MUC4: variants seen among roughly 807,000 people sequenced by gnomAD.
MUC4 encodes the protein mucin-4.
Under a neutral mutation model 257.9 loss-of-function variants are expected in MUC4, and 202 were observed. The observed-to-expected ratio is 0.78, with a 90% CI of 0.70 to 0.88. MUC4 has a LOEUF of 0.88. Among genes scored for constraint, MUC4 ranks in the 40% least tolerant of loss-of-function variants. MUC4 has a pLI of 0.00. For missense variants in MUC4, 5,976 were observed against 6,513.7 expected, an observed-to-expected ratio of 0.92 and a Z score of 2.84; for synonymous variants, 2,351 against 2,757.1, an observed-to-expected ratio of 0.85 and a Z score of 4.62.
chr3:195,811,491 T>C (rs59567466), intron 1 of MUC4, among the ~76,000 whole-genome samples: 15,503 of 151,912 alleles, frequency 0.1, 2,108 homozygotes, highest in African/African-American at 0.31. Flanking sequence ...TCTTTCTCTC[T>C]CCCTCTTCTC....
rs764869978 is a variant in MUC4, at chr3:195,786,799, G to T, written c.4781C>A (p.Ser1594Tyr). The T allele has an allele frequency of 1.3e-6, 2 of 1,518,954 alleles. No individual in the cohort carries two copies. Among genetic ancestry groups the T allele is most frequent in the East Asian group, 5.0e-5 (2 of 39,762 alleles). 94.1% of individuals were successfully genotyped at this position (1,518,954 alleles called of 1,614,324 possible). A position where few individuals can be genotyped will look rare whatever the true frequency, so the allele number is the denominator to read the frequency against. Residue 1594 changes from serine to tyrosine, a missense_variant, in exon 2 of 25, where the codon TCC becomes TAC. Coordinates refer to ENST00000463781, the MANE Select transcript of MUC4 (RefSeq NM_018406.7). The stretch of plus-strand genomic sequence containing the variant: ...AGGAAGAGGGGTGGTGTCACCTTTG[G>T]ATGCTGAGGAAGTGTCGGTGACAGG... ...PLPVTDTSSA[S>Y]KGDTTPLPVT...
In MUC4 at chr3:195,763,584, T is replaced by C. The variant is rs775413525; in HGVS notation, c.14102A>G (p.Asn4701Ser). The change falls in exon 12 of 25, where the codon AAT becomes AGT. Residue 4701 changes from asparagine (N) to serine (S), a missense_variant. Coordinates refer to ENST00000463781, the MANE Select transcript of MUC4 (RefSeq NM_018406.7). Reference sequence around the variant, plus strand: ...GACCAGCAGGAAGTCCCCCAGCCCATTGAAGGTGTAACTGACACCATCCAA... The same window carrying C: ...GACCAGCAGGAAGTCCCCCAGCCCACTGAAGGTGTAACTGACACCATCCAA... ...TTLDGVSYTF[N>S]GLGDFLLVGA... 2.5e-5 allele frequency: 40 copies of C among 1,595,220 alleles called. No individual in the cohort carries two copies. Among genetic ancestry groups the C allele is most frequent in the African/African-American group, 6.7e-5 (5 of 74,352 alleles).
At position 195,765,463 on chromosome 3, in the gene MUC4, T is replaced by TG. The variant is rs766700435; in HGVS notation, c.13619-15dup. 6.8e-6 allele frequency: 11 copies of TG among 1,606,354 alleles called. No homozygotes were observed. The highest frequency in any genetic ancestry group is 1.7e-4 in the Middle Eastern group (1 of 6,056). On this transcript the variant is annotated splice_polypyrimidine_tract_variant and intron_variant, in intron 8 of 24. Transcript: ENST00000463781. ...GCCCTTGGAGGCCTGAGGTCGGGGA[T>TG]GGGGGGGAAAGGGCTTATCCAGGGC... is the stretch of plus-strand genomic sequence containing the variant.
At position 195,791,191 on chromosome 3, in the gene MUC4, G is replaced by C; in HGVS notation, c.389C>G (p.Thr130Arg). Residue 130 changes from threonine (T) to arginine (R), a missense_variant, in exon 2 of 25, where the codon ACA becomes AGA. By Grantham distance (71) the Thr-to-Arg change is moderately conservative (BLOSUM62 -1). Around this residue, in one of 44 missense-constraint regions of MUC4, gnomAD observed 1,583 missense variants for 1,257.4 expected, o/e 1.26. Transcript: ENST00000463781. ...TTSFPSSVTN[T>R]LMMTSKTITM... is the part of the protein sequence containing the mutation. ...TATAGTCTTTGATGTCATCATGAGTGTGTTGGTGACACTGGAGGGAAATGA... is the reference window on the plus strand; with the variant it reads ...TATAGTCTTTGATGTCATCATGAGTCTGTTGGTGACACTGGAGGGAAATGA... 2 of 1,614,034 alleles carry C rather than the reference G, an allele frequency of 1.2e-6. No homozygotes were observed. The highest frequency in any genetic ancestry group is 1.7e-6 in the Non-Finnish European group (2 of 1,179,902).
rs754721080 is a variant in MUC4, at chr3:195,754,276, C to T, written c.15265G>A (p.Val5089Ile). The change falls in exon 19 of 25, where the codon GTT becomes ATT. Residue 5089 changes from valine to isoleucine, a missense_variant. By Grantham distance (29) the Val-to-Ile change is conservative. Around this residue, in one of 44 missense-constraint regions of MUC4, gnomAD observed 996 missense variants for 1,137.3 expected, o/e 0.88. Transcript: ENST00000463781. ...EEPCFPSVHC[V>I]PGKGCEACPP... ...CAGGCCTCGCAGCCCTTCCCAGGAA[C>T]GCAGTGGACACTCGGGAAGCACGGC... is the stretch of plus-strand genomic sequence containing the variant. The T allele has an allele frequency of 1.3e-5, 21 of 1,613,888 alleles. No homozygotes were observed. The highest frequency in any genetic ancestry group is 1.7e-5 in the Admixed American group (1 of 59,994).
chr3:195,763,358 TCTC>T (rs1249181036), intron 12 of MUC4, 72 bp downstream of exon 12: 4 of 1,335,894 alleles, frequency 3.0e-6, no homozygotes, highest in East Asian at 2.9e-5. Context: ...CTCTCTTCCT[TCTC>T]CTCGGCCTCA....
In MUC4 at chr3:195,754,987, T is replaced by C. The variant is rs113746380; in HGVS notation, c.15169-615A>G. On this transcript the variant is annotated intron_variant, in intron 18 of 24. Coordinates refer to ENST00000463781, the MANE Select transcript of MUC4 (RefSeq NM_018406.7). ...GTGTGTATGTATCCATGTGTGTATG[T>C]ATCCATGTATGTCCTATTGCTTGAA... 3.7e-4 allele frequency among the ~76,000 whole-genome samples: 56 copies of C among 152,308 alleles called. 1 individual carries two copies. The highest frequency in any genetic ancestry group is 1.2e-3 in the African/African-American group (49 of 41,548).
Position 195,789,100 on chromosome 3 carries a change from G to A in MUC4, c.2480C>T (p.Thr827Met), listed in dbSNP as rs750131166. The change falls in exon 2 of 25, where the codon ACG becomes ATG. Residue 827 changes from threonine to methionine, a missense_variant. Around this residue, in one of 44 missense-constraint regions of MUC4, gnomAD observed 1,583 missense variants for 1,257.4 expected, o/e 1.26. Coordinates refer to ENST00000463781, the MANE Select transcript of MUC4 (RefSeq NM_018406.7). ...GGAGGGGTTTGATGAAAACCTTGTC[G>A]TCTCTCCTGAGGTGGATATTCCTTC... is the stretch of plus-strand genomic sequence containing the variant. ...GSEGISTSGE[T>M]TRFSSNPSRD... 1.9e-5 allele frequency: 31 copies of A among 1,613,116 alleles called. No homozygotes were observed. The highest frequency in any genetic ancestry group is 2.0e-5 in the Non-Finnish European group (24 of 1,179,476).
At position 195,761,179 on chromosome 3, in the gene MUC4, A is replaced by C. The variant is rs1201209145; in HGVS notation, c.14615-62T>G. On this transcript the variant is annotated intron_variant, in intron 15 of 24. Transcript: ENST00000463781. Reference sequence around the variant, plus strand: ...ACTCAGCCTTATTCCATCTGTGTCCACCTCTACCCCTCACTTTAGATGGCT... The same window carrying C: ...ACTCAGCCTTATTCCATCTGTGTCCCCCTCTACCCCTCACTTTAGATGGCT... 2.0e-6 allele frequency: 3 copies of C among 1,471,016 alleles called. No homozygotes were observed. In the African/African-American group the frequency reaches 4.2e-5, roughly 20 times the overall value. 91.1% of individuals were successfully genotyped at this position (1,471,016 alleles called of 1,614,324 possible). A position where few individuals can be genotyped will look rare whatever the true frequency, so the allele number is the denominator to read the frequency against.
At chr3:195,770,877 C>T (rs767288767) in intron 5 of MUC4, 1 of 457,866 alleles carries the variant, frequency 2.2e-6, no homozygotes. Context: ...TAGGATAGAC[C>T]CCCTACAGCC....
In MUC4 at chr3:195,761,023, G is replaced by A. The variant is rs750793820; in HGVS notation, c.14709C>T (p.Ser4903=). The A allele has an allele frequency of 5.6e-5, 90 of 1,614,100 alleles. No individual in the cohort carries two copies. Among genetic ancestry groups the A allele is most frequent in the Non-Finnish European group, 7.4e-5 (87 of 1,180,034 alleles). ...TGGAGATCAAATGTTCAGCCCAGGA[G>A]CTGTTTTTTTGCAGTTGTGAGTAGA... ...PVFYSQLQKN[S]SWAEHLISNC... Residue 4903 remains serine, a synonymous_variant, in exon 16 of 25, where the codon AGC becomes AGT. Transcript: ENST00000463781.
rs564434211 is a variant in MUC4 at position 195,757,394 on chromosome 3, A to G, written c.14987-66T>C. The G allele has an allele frequency of 9.6e-6, 14 of 1,463,628 alleles. No homozygotes were observed. The East Asian group carries it at 3.3e-4, about 35-fold the overall frequency. 90.7% of individuals were successfully genotyped at this position (1,463,628 alleles called of 1,614,324 possible). On this transcript the variant is annotated intron_variant, in intron 17 of 24. Transcript: ENST00000463781. The surrounding 1 kb of genome is among the most constrained non-coding windows in gnomAD (Gnocchi z 4.8). Reference sequence around the variant, plus strand: ...CCTCGGCTCTGTGGTCTGATTGCTGATACGGGGCTTCCCCCACCCCTCTCA... The same window carrying G: ...CCTCGGCTCTGTGGTCTGATTGCTGGTACGGGGCTTCCCCCACCCCTCTCA...
chr3:195,800,256 C>T (rs941374299), intron 1 of MUC4, among the ~76,000 whole-genome samples: 22 of 151,716 alleles, frequency 1.5e-4, no homozygotes, highest in African/African-American at 4.1e-4. Flanking sequence ...CCAGCCTGGG[C>T]GACAGAGCGG....
rs781691768 is a variant in MUC4, at chr3:195,747,312, G to C, written c.16103C>G (p.Ala5368Gly). ...HCEHLSMKLD[A>G]FFGIFFGALG... ...GGCCCCAAAGAAGATGCCGAAGAAC[G>C]CGTCGAGTTTCATGCTCAGGTGCTC... The change falls in exon 25 of 25, where the codon GCG (alanine) becomes GGG (glycine). Residue 5368 changes from alanine (A) to glycine (G), a missense_variant. By Grantham distance (60) the Ala-to-Gly change is moderately conservative (BLOSUM62 0). Transcript: ENST00000463781. The C allele has an allele frequency of 1.9e-6, 3 of 1,614,036 alleles. No individual in the cohort carries two copies. The highest frequency in any genetic ancestry group is 1.3e-5 in the African/African-American group (1 of 74,958).
Position 195,790,843 on chromosome 3 carries a change from G to C in MUC4, c.737C>G (p.Ala246Gly), listed in dbSNP as rs983406497. 1 of 1,613,922 alleles carries C rather than the reference G, an allele frequency of 6.2e-7. No individual in the cohort carries two copies. The highest frequency in any genetic ancestry group is 8.5e-7 in the Non-Finnish European group (1 of 1,179,890). The change falls in exon 2 of 25, where the codon GCT becomes GGT. Residue 246 changes from alanine (A) to glycine (G), a missense_variant. Ala to Gly is a moderately conservative substitution (Grantham distance 60, BLOSUM62 0). Coordinates refer to ENST00000463781, the MANE Select transcript of MUC4 (RefSeq NM_018406.7). ...SQKTSPSGETATSSLCSVTNT... is the reference protein window; with the variant it reads ...SQKTSPSGETGTSSLCSVTNT... The stretch of plus-strand genomic sequence containing the variant: ...TGTGACACTACAGAGGGATGAGGTA[G>C]CTGTTTCACCTGAAGGAGATGTCTT...
At chr3:195,772,655 T>C (rs1723230718) in intron 4 of MUC4, among the ~76,000 whole-genome samples, 1 of 125,562 alleles carries the variant, frequency 8.0e-6, no homozygotes, top group African/African-American at 3.2e-5. Context: ...TCTCTATCAC[T>C]CAGCAGGTGT....
Position 195,791,491 on chromosome 3 carries a change from G to A in MUC4, c.89C>T (p.Thr30Ile), listed in dbSNP as rs776609905. 3 of 1,612,520 alleles carry A rather than the reference G, an allele frequency of 1.9e-6. No individual in the cohort carries two copies. Among genetic ancestry groups the A allele is most frequent in the Middle Eastern group, 1.7e-4 (1 of 6,004 alleles). The change falls in exon 2 of 25, where the codon ACA becomes ATA. Residue 30 changes from threonine to isoleucine, a missense_variant. Thr to Ile is a moderately conservative substitution (Grantham distance 89, BLOSUM62 -1). Coordinates refer to ENST00000463781, the MANE Select transcript of MUC4 (RefSeq NM_018406.7). ...ACTTCCAGTTATTAATGTGTCCTCTGTGGTTCCTGGAGTGAACCAAAATAG... is the reference window on the plus strand; with the variant it reads ...ACTTCCAGTTATTAATGTGTCCTCTATGGTTCCTGGAGTGAACCAAAATAG... ...CLLPHVVPGTTEDTLITGSKT... is the reference protein window; with the variant it reads ...CLLPHVVPGTIEDTLITGSKT...
chr3:195,769,172 AAC>A lies in MUC4; in HGVS notation c.13399-22_13399-21del. 1 of 1,613,508 alleles carries A rather than the reference AAC, an allele frequency of 6.2e-7. No homozygotes were observed. The highest frequency in any genetic ancestry group is 8.5e-7 in the Non-Finnish European group (1 of 1,179,740). On this transcript the variant is annotated intron_variant, in intron 6 of 24. Transcript: ENST00000463781. ...GTTGCTCTGGGGGTGGGTGGAAGAA[AAC>A]ACAGGGATGCCCGTGAGAGATCCGG...
chr3:195,766,738 A>G lies in MUC4; in HGVS notation c.13543T>C (p.Phe4515Leu). 1 of 1,614,090 alleles carries G rather than the reference A, an allele frequency of 6.2e-7. No homozygotes were observed. The highest frequency in any genetic ancestry group is 8.5e-7 in the Non-Finnish European group (1 of 1,180,006). ...LMGFSSGDGY[F>L]ENSPLMSQPV... ...TGGGACATCAGTGGGCTGTTTTCGA[A>G]ATAGCCATCTCCACTGCAGGAAAGG... The change falls in exon 8 of 25, where the codon TTC becomes CTC. Residue 4515 changes from phenylalanine to leucine, a missense_variant. This residue lies in a region of MUC4 where 996 missense variants were observed against 1,137.3 expected (regional missense o/e 0.88). Coordinates refer to ENST00000463781, the MANE Select transcript of MUC4 (RefSeq NM_018406.7).
Sources: allele counts gnomAD v4.1 joint callset (sites outside exome capture counted in the v4.1 genomes callset), GRCh38; gene constraint gnomAD v4.1.1; regional missense constraint gnomAD v4.1.1; non-coding constraint Gnocchi (gnomAD v3.1); transcripts MANE v1.5; gene names NCBI Gene and HGNC (gene_info 2026-07-23, HGNC 2026-07-21).